Variants in IQCM observed in about 807,000 individuals in gnomAD.
The protein encoded by IQCM is IQ motif containing M.
A neutral mutation model predicts 57.6 loss-of-function variants in IQCM; 45 were observed. The observed-to-expected ratio is 0.78, with a 90% CI of 0.62 to 1.00. The LOEUF (loss-of-function observed/expected upper bound fraction) is 1.00, where lower values mean the gene tolerates loss of function less well. IQCM is among the 50% of genes least tolerant of loss of function. IQCM has a pLI of 0.00. For missense variants in IQCM, 468 were observed against 511.6 expected (o/e 0.91, Z 0.82); for synonymous variants, 148 against 158.9 (o/e 0.93, Z 0.51).
At chr4:149,556,120 C>T (rs548929952) in intron 10 of IQCM, among the ~76,000 whole-genome samples, 1 of 151,910 alleles carries the variant, frequency 6.6e-6, no homozygotes, top group South Asian at 2.1e-4. Flanking sequence ...TAGAATTTAT[C>T]AGAAAAAAAG....
intron 5 of IQCM, among the ~76,000 whole-genome samples, chr4:149,732,365 T>G (rs929334050): frequency 6.6e-6 from 1 of 152,160 alleles, no homozygotes; most frequent in Non-Finnish European, 1.5e-5. Flanking sequence ...GAAAACCCAG[T>G]TCTAAAGAGA....
At chr4:149,692,350 A>T (rs181977487) in intron 5 of IQCM, among the ~76,000 whole-genome samples, 1 of 152,236 alleles carries the variant, frequency 6.6e-6, no homozygotes, top group Non-Finnish European at 1.5e-5. Context: ...AACTAAGACC[A>T]TCAACAGTAT....
intron 12 of IQCM, among the ~76,000 whole-genome samples, chr4:149,520,192 C>CA (rs1157570601): frequency 2.7e-5 from 4 of 146,412 alleles, no homozygotes; most frequent in Non-Finnish European, 6.0e-5. Flanking sequence ...TTTTATTCCA[C>CA]AAAAAACCGT....
chr4:149,391,985 A>T (rs1731888354), intron 13 of IQCM, among the ~76,000 whole-genome samples: 1 of 151,754 alleles, frequency 6.6e-6, no homozygotes, highest in Non-Finnish European at 1.5e-5. Context: ...ATGTCTATTA[A>T]AGTCTAGGTG....
At chr4:149,766,290 CTG>C (rs1770049279) in intron 2 of IQCM, among the ~76,000 whole-genome samples, 1 of 152,136 alleles carries the variant, frequency 6.6e-6, no homozygotes, top group South Asian at 2.1e-4. Flanking sequence ...GTCACATACT[CTG>C]TGTTCTTGGA....
At chr4:149,702,327 CACA>C (rs1763835202) in intron 5 of IQCM, among the ~76,000 whole-genome samples, 1 of 151,488 alleles carries the variant, frequency 6.6e-6, no homozygotes, top group African/African-American at 2.4e-5. Context: ...CACACACACA[CACA>C]CCCATAGCAC....
At chr4:149,521,919 G>T (rs576339398) in intron 12 of IQCM, among the ~76,000 whole-genome samples, 1 of 152,116 alleles carries the variant, frequency 6.6e-6, no homozygotes. Flanking sequence ...TGCATCCAAC[G>T]CAAGAAACAC....
At chr4:149,465,801 T>C (rs1738798648) in intron 12 of IQCM, among the ~76,000 whole-genome samples, 1 of 151,856 alleles carries the variant, frequency 6.6e-6, no homozygotes, top group Admixed American at 6.6e-5. Context: ...TCTGCCTCTG[T>C]GCTACTGGAA....
chr4:149,426,543 A>T (rs1267595239), intron 13 of IQCM, among the ~76,000 whole-genome samples: 1 of 151,988 alleles, frequency 6.6e-6, no homozygotes, highest in Admixed American at 6.6e-5. Flanking sequence ...GTTCAGGCTC[A>T]GGGGCTATCA....
At chr4:149,588,186 C>A (rs1389434642) in intron 8 of IQCM, among the ~76,000 whole-genome samples, 189 bp from the exon 9 acceptor site, 1 of 151,638 alleles carries the variant, frequency 6.6e-6, no homozygotes, top group Non-Finnish European at 1.5e-5. Flanking sequence ...TCCTTCAGAA[C>A]CTTTTAGCAC....
chr4:149,742,118 A>G (rs1445712991), intron 3 of IQCM, among the ~76,000 whole-genome samples: 1 of 152,122 alleles, frequency 6.6e-6, no homozygotes, highest in Non-Finnish European at 1.5e-5. Context: ...TTACCACTTC[A>G]ACATTAATCA....
chr4:149,561,766 G>T (rs142116666), intron 10 of IQCM, among the ~76,000 whole-genome samples: 129 of 152,246 alleles, frequency 8.5e-4, no homozygotes, highest in Admixed American at 5.4e-3. Flanking sequence ...GAAAAATAAA[G>T]AGTACGTACT....
chr4:149,733,529 G>T (rs1407834644), intron 4 of IQCM, 21 bp from the exon 5 acceptor site: 1 of 1,185,968 alleles, frequency 8.4e-7, no homozygotes, highest in Non-Finnish European at 1.1e-6. Flanking sequence ...AACAAAAATA[G>T]ATTTTGGCAA....
intron 10 of IQCM, 34 bp from the exon 11 acceptor site, chr4:149,553,321 G>A: frequency 8.2e-7 from 1 of 1,224,772 alleles, no homozygotes; most frequent in Non-Finnish European, 1.0e-6. Context: ...ATATATTTCT[G>A]GTATTTATAT....
intron 5 of IQCM, among the ~76,000 whole-genome samples, chr4:149,726,071 A>AAAAGGAAG (rs1765868418): frequency 1.1e-5 from 1 of 94,748 alleles, no homozygotes; most frequent in Admixed American, 1.2e-4. Flanking sequence ...TCTTCCCTCT[A>AAAAGGAAG]AAAGAAAGAA....
chr4:149,377,427 C>T (rs1257111415), intron 13 of IQCM, among the ~76,000 whole-genome samples: 1 of 152,130 alleles, frequency 6.6e-6, no homozygotes, highest in Non-Finnish European at 1.5e-5. Flanking sequence ...TGAGTCAACT[C>T]TCTAGTTTCC....
chr4:149,463,390 G>A (rs1244095341), intron 12 of IQCM, among the ~76,000 whole-genome samples: 4 of 152,200 alleles, frequency 2.6e-5, no homozygotes, highest in East Asian at 1.9e-4. Flanking sequence ...TTTTAGAGAC[G>A]TTGAATGTAT....
At position 149,766,599 on chromosome 4, in the gene IQCM, T is replaced by C. The variant is rs576878603; in HGVS notation, c.-48-23860A>G. ...TGTCCCAAAGGCTGGGTCTACCCAA[T>C]ATAGAGATTACTATCAGAAAATAAA... is the stretch of plus-strand genomic sequence containing the variant. On this transcript the variant is annotated intron_variant, in intron 2 of 13. Transcript: ENST00000636793. 1.6e-4 allele frequency among the ~76,000 whole-genome samples: 25 copies of C among 152,266 alleles called. No homozygotes were observed. In the East Asian group the frequency reaches 2.1e-3, roughly 13 times the overall value.
intron 2 of IQCM, among the ~76,000 whole-genome samples, chr4:149,751,006 C>T (rs967184839): frequency 6.6e-6 from 1 of 152,086 alleles, no homozygotes; most frequent in African/African-American, 2.4e-5. Context: ...CTTGTAAAAA[C>T]TAGCTAATAT....
Sources: gnomAD v4.1 joint callset for allele counts (sites outside exome capture counted in the v4.1 genomes callset) on GRCh38, gnomAD v4.1.1 for gene constraint, MANE v1.5 for transcripts, NCBI Gene and HGNC (gene_info 2026-07-23, HGNC 2026-07-21) for gene names.